The following VPS13B variants were observed in gnomAD, a reference collection of about 807,000 sequenced individuals.
VPS13B encodes intermembrane lipid transfer protein VPS13B.
A neutral mutation model predicts 426.4 loss-of-function variants in VPS13B; 285 were observed. The ratio of observed to expected loss-of-function variants is 0.67; its 90% CI spans 0.61 to 0.74. The LOEUF is 0.74. Ranked by LOEUF, VPS13B falls within the 30% of genes least tolerant of loss-of-function variation. The pLI is 0.00. For missense variants in VPS13B, 4,537 were observed against 4,782.6 expected, an observed-to-expected ratio of 0.95 and a Z score of 1.51; for synonymous variants, 1,676 against 1,676.4, an observed-to-expected ratio of 1.00 and a Z score of 0.01.
At chr8:99,234,523 G>T in intron 17 of VPS13B, 1 of 490,078 alleles carries the variant, frequency 2.0e-6, no homozygotes. Context: ...CCGCGGGGTT[G>T]GGGTTCAGGG....
At chr8:99,227,644 CA>C (rs1395613337) in intron 17 of VPS13B, among the ~76,000 whole-genome samples, 1 of 151,892 alleles carries the variant, frequency 6.6e-6, no homozygotes, top group Non-Finnish European at 1.5e-5. Context: ...ATTTTTTTAA[CA>C]AGTTGAATGA....
chr8:99,826,343 G>T (rs1026720119), intron 51 of VPS13B, among the ~76,000 whole-genome samples: 2 of 152,102 alleles, frequency 1.3e-5, no homozygotes, highest in Non-Finnish European at 2.9e-5. Context: ...TTGTGAATGG[G>T]AGTTCACTCA....
intron 3 of VPS13B, chr8:99,092,197 CCT>C (rs2081105283): frequency 6.6e-6 from 1 of 152,082 alleles, no homozygotes. Flanking sequence ...ACACATTTTT[CCT>C]CTGTTAGGAA....
chr8:99,441,488 A>G (rs1384340246), intron 22 of VPS13B, among the ~76,000 whole-genome samples: 1 of 152,156 alleles, frequency 6.6e-6, no homozygotes, highest in Non-Finnish European at 1.5e-5. Flanking sequence ...TTTGTAGGAA[A>G]TCAACCAATC....
chr8:99,464,216 G>C (rs951536259), intron 23 of VPS13B, among the ~76,000 whole-genome samples: 4 of 152,144 alleles, frequency 2.6e-5, no homozygotes, highest in Admixed American at 2.6e-4. Flanking sequence ...GAAGAGGAAG[G>C]CATTTTTGTT....
chr8:99,507,982 C>G, intron 28 of VPS13B: 3 of 1,600,166 alleles, frequency 1.9e-6, no homozygotes, highest in Non-Finnish European at 2.6e-6. Flanking sequence ...TTGAATGATT[C>G]ATAGAGTCAA....
rs376118865 is a variant in VPS13B, at chr8:99,511,139, G to A, written c.4260G>A (p.Gln1420=). 4 of 1,613,492 alleles carry A rather than the reference G, an allele frequency of 2.5e-6. No homozygotes were observed. The African/African-American group carries it at 4.0e-5, about 16-fold the overall frequency. Residue 1420 remains glutamine, a synonymous_variant, in exon 29 of 62, where the codon CAG becomes CAA. Transcript: ENST00000357162. ...TTKLLDGTHQ[Q]HGFLSLTYTK... is the part of the protein sequence containing the mutation. ...AACTTCTAGATGGCACTCATCAGCAGCATGGATTCCTCTCTCTGACATACA... is the reference window on the plus strand; with the variant it reads ...AACTTCTAGATGGCACTCATCAGCAACATGGATTCCTCTCTCTGACATACA...
intron 25 of VPS13B, among the ~76,000 whole-genome samples, chr8:99,484,849 CAAAA>C (rs34547055): frequency 8.8e-6 from 1 of 113,826 alleles, no homozygotes. Context: ...TGTCCTGTCT[CAAAA>C]AAAAAAAAAA....
rs1019355776 is a variant in VPS13B, at chr8:99,575,740, G to A, written c.5032G>A (p.Val1678Ile). ...TGTCCGAATAACTGGAGCACCTGCT[G>A]TCATTTTCACCAAAGTAGTTTCTCC... Reference protein sequence around the residue: ...FSVRITGAPAVIFTKVVSPEN... With the variant: ...FSVRITGAPAIIFTKVVSPEN... The change falls in exon 32 of 62, where the codon GTC becomes ATC. Residue 1678 changes from valine to isoleucine, a missense_variant. Physicochemically the swap from Val to Ile is conservative, Grantham distance 29. Around this residue, in one of 2 missense-constraint regions of VPS13B, gnomAD observed 4,311 missense variants for 4,474.3 expected, o/e 0.96. Transcript: ENST00000357162. The A allele has an allele frequency of 1.9e-6, 3 of 1,613,730 alleles. No homozygotes were observed. The highest frequency in any genetic ancestry group is 3.3e-5 in the Admixed American group (2 of 59,922).
At chr8:99,529,539 C>T (rs2133690996) in intron 30 of VPS13B, among the ~76,000 whole-genome samples, 1 of 152,072 alleles carries the variant, frequency 6.6e-6, no homozygotes, top group Admixed American at 6.5e-5. Context: ...CTGAGACTTC[C>T]CTGACCTCAA....
At chr8:99,344,636 A>C (rs1019929163) in intron 19 of VPS13B, among the ~76,000 whole-genome samples, 1 of 152,164 alleles carries the variant, frequency 6.6e-6, no homozygotes, top group African/African-American at 2.4e-5. Flanking sequence ...TCTGAATGCT[A>C]AGTCATTGCA....
At chr8:99,508,039 T>C in intron 28 of VPS13B, 1 of 1,422,758 alleles carries the variant, frequency 7.0e-7, no homozygotes, top group South Asian at 1.2e-5. Context: ...ATAAATGAAG[T>C]ATAATGTAAT....
intron 35 of VPS13B, among the ~76,000 whole-genome samples, chr8:99,671,549 C>T (rs936742742): frequency 6.6e-6 from 1 of 152,128 alleles, no homozygotes; most frequent in African/African-American, 2.4e-5. Context: ...CCGTCCAGAC[C>T]AATATCATAG....
intron 6 of VPS13B, among the ~76,000 whole-genome samples, chr8:99,114,517 G>C (rs1023198788): frequency 2.0e-5 from 3 of 152,054 alleles, no homozygotes; most frequent in African/African-American, 7.2e-5. Context: ...CAGTGCTATT[G>C]GTGCAATACA....
At chr8:99,359,249 C>T (rs957438702) in intron 19 of VPS13B, among the ~76,000 whole-genome samples, 1 of 152,008 alleles carries the variant, frequency 6.6e-6, no homozygotes, top group African/African-American at 2.4e-5. Context: ...ATTTTAGAAA[C>T]AACATTTTTT....
In VPS13B at chr8:99,868,272, G is replaced by T. The variant is rs1394098366; in HGVS notation, c.11216-17G>T. The T allele has an allele frequency of 2.5e-6, 4 of 1,613,948 alleles. No individual in the cohort carries two copies. The highest frequency in any genetic ancestry group is 8.5e-7 in the Non-Finnish European group (1 of 1,180,006). On this transcript the variant is annotated splice_polypyrimidine_tract_variant and intron_variant, in intron 58 of 61. Transcript: ENST00000357162. ...ATTTTAAGCCTCTGTCCTTACTGAG[G>T]GCTTTTGTTATTCCAGGTGCAATTG...
chr8:99,121,692 C>T, intron 8 of VPS13B: 2 of 1,030,626 alleles, frequency 1.9e-6, no homozygotes, highest in Non-Finnish European at 2.6e-6. Flanking sequence ...GTTTTTTGCC[C>T]TATTGAATCA....
intron 33 of VPS13B, among the ~76,000 whole-genome samples, chr8:99,596,602 G>C (rs191879116): frequency 6.6e-6 from 1 of 152,024 alleles, no homozygotes; most frequent in Admixed American, 6.6e-5. Flanking sequence ...GCAGATTAGA[G>C]CATAGGGGAA....
At chr8:99,658,040 T>G (rs1334702511) in intron 34 of VPS13B, among the ~76,000 whole-genome samples, 1 of 152,196 alleles carries the variant, frequency 6.6e-6, no homozygotes, top group Non-Finnish European at 1.5e-5. Context: ...TGATTAAGAA[T>G]GAAGCTGAGC....
Sources: allele counts gnomAD v4.1 joint callset (sites outside exome capture counted in the v4.1 genomes callset), GRCh38; gene constraint gnomAD v4.1.1; regional missense constraint gnomAD v4.1.1; transcripts MANE v1.5; gene names NCBI Gene and HGNC (gene_info 2026-07-23, HGNC 2026-07-21).